The following PPFIA2 variants were observed in gnomAD, a reference collection of about 807,000 sequenced individuals.
PPFIA2 encodes the protein liprin-alpha-2.
PPFIA2 carries 46 observed loss-of-function variants against 175.5 expected under a neutral mutation model. The observed-to-expected ratio is 0.26, with a 90% CI of 0.21 to 0.34. PPFIA2 has a LOEUF of 0.34. Among genes scored for constraint, PPFIA2 ranks in the 10% least tolerant of loss-of-function variants. The probability of loss-of-function intolerance (pLI) is 1.00; values close to 1 mark genes in which losing one functional copy is unlikely to be tolerated. For synonymous variants in PPFIA2, 568 were observed against 511.4 expected (o/e 1.11, Z -1.49); for missense variants, 1,179 against 1,506.1 (o/e 0.78, Z 3.60).
chr12:81,748,750 T>G (rs2083368828), intron 3 of PPFIA2, among the ~76,000 whole-genome samples: 1 of 144,792 alleles, frequency 6.9e-6, no homozygotes, highest in Non-Finnish European at 1.5e-5. Flanking sequence ...TATAGCATTA[T>G]TTAAGCAATG....
At chr12:81,268,328 C>T (rs1334255236) in intron 28 of PPFIA2, among the ~76,000 whole-genome samples, 2 of 150,956 alleles carry the variant, frequency 1.3e-5, no homozygotes, top group Admixed American at 6.6e-5. Context: ...TTAGTAGAGA[C>T]GGGGTTTCAC....
chr12:81,280,328 C>T (rs1275228014), intron 27 of PPFIA2, among the ~76,000 whole-genome samples: 1 of 152,064 alleles, frequency 6.6e-6, no homozygotes, highest in Non-Finnish European at 1.5e-5. Context: ...TTATCTTTAC[C>T]ACATTTAATT....
Position 81,266,932 on chromosome 12 carries a change from T to C in PPFIA2, c.3555+20A>G. The C allele has an allele frequency of 6.3e-7, 1 of 1,576,136 alleles. No homozygotes were observed. The highest frequency in any genetic ancestry group is 1.1e-5 in the South Asian group (1 of 89,740). On this transcript the variant is annotated intron_variant, in intron 30 of 32. Transcript: ENST00000549396. Reference sequence around the variant, plus strand: ...TTCTTTTACTCTCTCAGATCTCTTTTGAATAACAGGTGGACTTACTTCATC... The same window carrying C: ...TTCTTTTACTCTCTCAGATCTCTTTCGAATAACAGGTGGACTTACTTCATC...
At position 81,339,277 on chromosome 12, in the gene PPFIA2, G is replaced by C. The variant is rs376273594; in HGVS notation, c.2451C>G (p.Ser817Arg). 1.2e-6 allele frequency: 2 copies of C among 1,610,264 alleles called. No homozygotes were observed. The highest frequency in any genetic ancestry group is 2.7e-5 in the African/African-American group (2 of 74,706). ...TGGGGGCTTTGTGAAGAGAGTCTTG[G>C]CTGCTGTTGGCACTACCAAGCCCGA... ...ESLGLGSANS[S>R]QDSLHKAPKK... The change falls in exon 21 of 33, where the codon AGC becomes AGG. Residue 817 changes from serine to arginine, a missense_variant. By Grantham distance (110) the Ser-to-Arg change is moderately radical. Transcript: ENST00000549396.
intron 6 of PPFIA2, among the ~76,000 whole-genome samples, chr12:81,443,022 T>C (rs2050521390): frequency 6.6e-6 from 1 of 150,412 alleles, no homozygotes; most frequent in East Asian, 2.0e-4. Flanking sequence ...GACAACTAAA[T>C]GAAATGCTAT....
chr12:81,718,420 G>T (rs1358282875), intron 3 of PPFIA2, among the ~76,000 whole-genome samples: 1 of 151,536 alleles, frequency 6.6e-6, no homozygotes, highest in Non-Finnish European at 1.5e-5. Context: ...AAGGATGAGT[G>T]GAGAGGTAGA....
chr12:81,533,747 C>A (rs61934753), intron 4 of PPFIA2, among the ~76,000 whole-genome samples: 23 of 131,742 alleles, frequency 1.7e-4, no homozygotes, highest in Non-Finnish European at 3.8e-4. Flanking sequence ...ATATATCTAT[C>A]TATCTACATA....
At chr12:81,577,558 T>C (rs35111398) in intron 4 of PPFIA2, among the ~76,000 whole-genome samples, 2,555 of 151,972 alleles carry the variant, frequency 0.017, 29 homozygotes, top group Middle Eastern at 0.044. Flanking sequence ...ATGTAAACTT[T>C]TTAGAAAAGA....
chr12:81,543,381 A>C (rs925021576), intron 4 of PPFIA2, among the ~76,000 whole-genome samples: 1 of 152,162 alleles, frequency 6.6e-6, no homozygotes, highest in Non-Finnish European at 1.5e-5. Context: ...AGAGCTCCTA[A>C]TGACCAAAGT....
At chr12:81,363,439 G>T (rs2031808007) in intron 14 of PPFIA2, among the ~76,000 whole-genome samples, 1 of 151,360 alleles carries the variant, frequency 6.6e-6, no homozygotes, top group Non-Finnish European at 1.5e-5. Flanking sequence ...GCATTTTCTG[G>T]TCTATAAATT....
chr12:81,293,473 C>T (rs982048656), intron 24 of PPFIA2, among the ~76,000 whole-genome samples: 10 of 151,052 alleles, frequency 6.6e-5, no homozygotes, highest in African/African-American at 2.2e-4. Flanking sequence ...TTCATAATTA[C>T]AGAAACTTCT....
At chr12:81,406,038 G>T in intron 7 of PPFIA2, 135 bp from the exon 8 acceptor site, 1 of 522,430 alleles carries the variant, frequency 1.9e-6, no homozygotes, top group South Asian at 3.0e-5. Flanking sequence ...ACATTTTACT[G>T]AATTATTATT....
rs529800625 is a variant in PPFIA2, at chr12:81,642,937, T to C, written c.303+33854A>G. ...ATGTAAAAAATGTGTATATATAACA[T>C]ATGTAATAATATATGTAATATACAC... On this transcript the variant is annotated intron_variant, in intron 4 of 32. Transcript: ENST00000549396. 1.8e-4 allele frequency among the ~76,000 whole-genome samples: 26 copies of C among 141,826 alleles called. 1 individual carries two copies. In the South Asian group the frequency reaches 5.5e-3, roughly 30 times the overall value. The allele number at this position is 141,826 out of a possible 152,430, so 93.0% of individuals were successfully genotyped here.
At chr12:81,333,120 T>C (rs2056458383) in intron 21 of PPFIA2, among the ~76,000 whole-genome samples, 2 of 152,186 alleles carry the variant, frequency 1.3e-5, no homozygotes, top group South Asian at 4.1e-4. Context: ...CAGCTCTTCC[T>C]AGTATTTGCC....
intron 18 of PPFIA2, among the ~76,000 whole-genome samples, chr12:81,345,972 A>G (rs2059005498): frequency 6.6e-6 from 1 of 152,126 alleles, no homozygotes; most frequent in Non-Finnish European, 1.5e-5. Context: ...TGTCTATTCT[A>G]TTTAAAAAAC....
intron 4 of PPFIA2, chr12:81,598,492 C>T: frequency 2.5e-6 from 1 of 407,110 alleles, no homozygotes. Flanking sequence ...AGGACCTCTT[C>T]TGACTAACCT....
At chr12:81,628,812 C>T (rs2063029472) in intron 4 of PPFIA2, among the ~76,000 whole-genome samples, 1 of 152,152 alleles carries the variant, frequency 6.6e-6, no homozygotes, top group South Asian at 2.1e-4. Context: ...TCTATTGAGT[C>T]CTCTTTGTTT....
At chr12:81,281,978 A>C (rs1565895773) in intron 26 of PPFIA2, among the ~76,000 whole-genome samples, 1 of 152,198 alleles carries the variant, frequency 6.6e-6, no homozygotes, top group East Asian at 1.9e-4. Context: ...TTAGCAAAGC[A>C]GGTCGTCAGC....
intron 4 of PPFIA2, among the ~76,000 whole-genome samples, chr12:81,549,335 T>C (rs1308190861): frequency 2.6e-5 from 4 of 152,214 alleles, no homozygotes; most frequent in Admixed American, 6.5e-5. Context: ...AGAAGATAAT[T>C]AATGTATATT....
Sources: gnomAD v4.1 joint callset for allele counts (sites outside exome capture counted in the v4.1 genomes callset) on GRCh38, gnomAD v4.1.1 for gene constraint, MANE v1.5 for transcripts, NCBI Gene and HGNC (gene_info 2026-07-23, HGNC 2026-07-21) for gene names.